The following PDSS2 variants were observed in gnomAD, a reference collection of about 807,000 sequenced individuals.
PDSS2 encodes decaprenyl diphosphate synthase subunit 2.
Under a neutral mutation model 44.5 loss-of-function variants are expected in PDSS2, and 31 were observed. The observed-to-expected ratio is 0.70, with a 90% CI of 0.52 to 0.94. PDSS2 has a LOEUF of 0.94. Among genes scored for constraint, PDSS2 ranks in the 40% least tolerant of loss-of-function variants. The pLI, the probability that PDSS2 is intolerant of heterozygous loss-of-function variation, is 0.00. For missense variants in PDSS2, 452 were observed against 482.2 expected (o/e 0.94, Z 0.59); for synonymous variants, 157 against 180.3 (o/e 0.87, Z 1.03).
At chr6:107,257,528 C>T (rs983591273) in intron 3 of PDSS2, among the ~76,000 whole-genome samples, 2 of 152,104 alleles carry the variant, frequency 1.3e-5, no homozygotes, top group Non-Finnish European at 2.9e-5. Context: ...CAGAGTGAGA[C>T]TCTGTCTCAT....
intron 7 of PDSS2, among the ~76,000 whole-genome samples, chr6:107,158,514 G>A (rs1770996977): frequency 6.6e-6 from 1 of 152,052 alleles, no homozygotes; most frequent in Admixed American, 6.6e-5. Flanking sequence ...GCCTTGTCCA[G>A]TGGCACTTAA....
chr6:107,458,412 CAAAAAA>C (rs60758453), intron 1 of PDSS2, among the ~76,000 whole-genome samples: 1 of 78,178 alleles, frequency 1.3e-5, no homozygotes, highest in Non-Finnish European at 2.5e-5. Flanking sequence ...GACTCCGTCT[CAAAAAA>C]AAAAAAAAAA....
At chr6:107,245,346 G>T (rs1048622804) in intron 4 of PDSS2, among the ~76,000 whole-genome samples, 4 of 132,814 alleles carry the variant, frequency 3.0e-5, no homozygotes, top group African/African-American at 1.1e-4. Flanking sequence ...CAGAGGATAA[G>T]AGGTTGTTTT....
At chr6:107,331,491 T>C (rs1777709518) in intron 2 of PDSS2, among the ~76,000 whole-genome samples, 1 of 152,174 alleles carries the variant, frequency 6.6e-6, no homozygotes, top group African/African-American at 2.4e-5. Flanking sequence ...TCAAATTGCT[T>C]GGATTATAAT....
At chr6:107,354,970 C>A (rs9480767) in intron 1 of PDSS2, among the ~76,000 whole-genome samples, 1 of 151,654 alleles carries the variant, frequency 6.6e-6, no homozygotes, top group Admixed American at 6.6e-5. Context: ...CACTCTGTCA[C>A]CAGGCTGGAT....
intron 2 of PDSS2, among the ~76,000 whole-genome samples, chr6:107,281,729 T>G (rs1488755357): frequency 1.3e-5 from 2 of 152,190 alleles, no homozygotes; most frequent in Non-Finnish European, 2.9e-5. Flanking sequence ...CTTCTGTGCA[T>G]GAAAGCCTTT....
chr6:107,268,733 G>A (rs1382336377), intron 3 of PDSS2, among the ~76,000 whole-genome samples: 1 of 152,084 alleles, frequency 6.6e-6, no homozygotes, highest in Non-Finnish European at 1.5e-5. Flanking sequence ...GCAGTTTATG[G>A]TTAGTTTGAA....
At chr6:107,155,503 T>A (rs1459301923) in intron 7 of PDSS2, among the ~76,000 whole-genome samples, 1 of 152,156 alleles carries the variant, frequency 6.6e-6, no homozygotes, top group Non-Finnish European at 1.5e-5. Flanking sequence ...TTAATAACTT[T>A]TTTTTTAACA....
chr6:107,170,083 C>G (rs1380975368), intron 7 of PDSS2, among the ~76,000 whole-genome samples: 1 of 152,176 alleles, frequency 6.6e-6, no homozygotes, highest in African/African-American at 2.4e-5. Flanking sequence ...GAGGTGGAGT[C>G]TACAGAGGCA....
At chr6:107,293,185 T>G (rs1355337253) in intron 2 of PDSS2, among the ~76,000 whole-genome samples, 2 of 152,182 alleles carry the variant, frequency 1.3e-5, no homozygotes, top group Admixed American at 1.3e-4. Flanking sequence ...TCCCTAGTGA[T>G]GAGCACATAA....
At chr6:107,215,701 A>C (rs916283392) in intron 4 of PDSS2, among the ~76,000 whole-genome samples, 1 of 152,230 alleles carries the variant, frequency 6.6e-6, no homozygotes, top group Non-Finnish European at 1.5e-5. Flanking sequence ...TAATTCAGTA[A>C]GGTAGCAGTG....
At chr6:107,275,764 C>T (rs902065959) in intron 2 of PDSS2, among the ~76,000 whole-genome samples, 1 of 152,080 alleles carries the variant, frequency 6.6e-6, no homozygotes, top group Non-Finnish European at 1.5e-5. Flanking sequence ...GAATGGCAAA[C>T]TCTTAGTGGA....
At chr6:107,425,897 C>A (rs1157434526) in intron 1 of PDSS2, among the ~76,000 whole-genome samples, 1 of 151,186 alleles carries the variant, frequency 6.6e-6, no homozygotes, top group Non-Finnish European at 1.5e-5. Flanking sequence ...GGAGGTGGAG[C>A]TTGCAGTGAG....
chr6:107,427,424 G>A (rs776512072), intron 1 of PDSS2, among the ~76,000 whole-genome samples: 3 of 152,068 alleles, frequency 2.0e-5, no homozygotes, highest in Non-Finnish European at 4.4e-5. Context: ...TTGACTAATA[G>A]AGTCTTGTCC....
At chr6:107,436,658 T>G (rs1331898363) in intron 1 of PDSS2, among the ~76,000 whole-genome samples, 3 of 152,180 alleles carry the variant, frequency 2.0e-5, no homozygotes, top group Non-Finnish European at 4.4e-5. Context: ...CTAGTGTTCT[T>G]TATCACTGTA....
At position 107,459,485 on chromosome 6, in the gene PDSS2, C is replaced by G. The variant is rs1385041032; in HGVS notation, c.-200G>C. On this transcript the variant is annotated 5_prime_UTR_variant, in exon 1 of 8. Transcript: ENST00000369037. This position sits in a 1 kb window ranked among gnomAD's most constrained non-coding sequence, Gnocchi z 4.3. The stretch of plus-strand genomic sequence containing the variant: ...CAGCCCAGGCTGGGCAAACAACAGT[C>G]CCAGCTCAGCACTGCCCCCGGCCAC... The G allele has an allele frequency of 6.7e-6, 4 of 601,434 alleles. No homozygotes were observed. The African/African-American group carries it at 7.4e-5, about 11-fold the overall frequency. 37.3% of individuals were successfully genotyped at this position (601,434 alleles called of 1,614,324 possible). A position where few individuals can be genotyped will look rare whatever the true frequency, so the allele number is the denominator to read the frequency against.
At chr6:107,458,690 A>C (rs1782138201) in intron 1 of PDSS2, among the ~76,000 whole-genome samples, 1 of 152,024 alleles carries the variant, frequency 6.6e-6, no homozygotes, top group African/African-American at 2.4e-5. Context: ...CAATAAACCT[A>C]CATCTCCGCT....
intron 1 of PDSS2, among the ~76,000 whole-genome samples, chr6:107,379,587 T>C (rs1365769921): frequency 1.3e-5 from 2 of 152,222 alleles, no homozygotes; most frequent in African/African-American, 4.8e-5. Flanking sequence ...TGCTGTGTTA[T>C]TTGGTGTTAA....
chr6:107,359,853 T>C (rs1778714204), intron 1 of PDSS2, among the ~76,000 whole-genome samples: 1 of 152,082 alleles, frequency 6.6e-6, no homozygotes, highest in South Asian at 2.1e-4. Flanking sequence ...GGATCTTTCA[T>C]ATTAAGGTTT....
Sources: gnomAD v4.1 joint callset for allele counts (sites outside exome capture counted in the v4.1 genomes callset) on GRCh38, gnomAD v4.1.1 for gene constraint, Gnocchi (gnomAD v3.1) non-coding constraint, MANE v1.5 for transcripts, NCBI Gene and HGNC (gene_info 2026-07-23, HGNC 2026-07-21) for gene names.